THSD7B: variants seen among roughly 807,000 people sequenced by gnomAD.
THSD7B encodes the protein thrombospondin type 1 domain containing 7B.
THSD7B carries 138 observed loss-of-function variants against 213.6 expected under a neutral mutation model. The observed-to-expected ratio is 0.65, with a 90% CI of 0.56 to 0.74. THSD7B has a LOEUF of 0.74. THSD7B is among the 30% of genes least tolerant of loss of function. The pLI is 0.00. For missense variants in THSD7B, 1,931 were observed against 1,991.5 expected, an observed-to-expected ratio of 0.97 and a Z score of 0.58; for synonymous variants, 742 against 687.0, an observed-to-expected ratio of 1.08 and a Z score of -1.25.
At chr2:137,142,332 T>C (rs1679603084) in intron 5 of THSD7B, among the ~76,000 whole-genome samples, 1 of 152,214 alleles carries the variant, frequency 6.6e-6, no homozygotes. Context: ...ACCCATTCAC[T>C]CCTGTGATAA....
intron 11 of THSD7B, among the ~76,000 whole-genome samples, chr2:137,274,988 G>A (rs1217259035): frequency 6.6e-6 from 1 of 151,952 alleles, no homozygotes. Flanking sequence ...TTTTGAAGTA[G>A]TTATCAGAGG....
intron 2 of THSD7B, among the ~76,000 whole-genome samples, chr2:137,011,794 G>T (rs1173486650): frequency 1.3e-5 from 2 of 152,288 alleles, no homozygotes; most frequent in Admixed American, 1.3e-4. Context: ...ACTAGAGTCT[G>T]TTCCATCTCT....
At chr2:136,937,017 T>G (rs945324537) in intron 2 of THSD7B, among the ~76,000 whole-genome samples, 47 of 152,214 alleles carry the variant, frequency 3.1e-4, no homozygotes, top group African/African-American at 1.1e-3. Flanking sequence ...TTCAGCACAA[T>G]GGTTTTTGTA....
At chr2:137,220,783 A>C (rs1293456439) in intron 7 of THSD7B, among the ~76,000 whole-genome samples, 1 of 117,582 alleles carries the variant, frequency 8.5e-6, no homozygotes, top group Non-Finnish European at 1.8e-5. Context: ...AAAAGTCTTT[A>C]AGCAGGAGAA....
At chr2:136,960,105 G>T (rs773029991) in intron 2 of THSD7B, among the ~76,000 whole-genome samples, 16 of 151,994 alleles carry the variant, frequency 1.1e-4, no homozygotes, top group Admixed American at 1.0e-3. Flanking sequence ...TGGATGAAAT[G>T]GTCTCTATTT....
chr2:137,076,781 C>G (rs1481253951), intron 3 of THSD7B, among the ~76,000 whole-genome samples: 3 of 151,870 alleles, frequency 2.0e-5, no homozygotes, highest in East Asian at 1.9e-4. Flanking sequence ...CTCACATTCC[C>G]ACTGCAAATT....
intron 2 of THSD7B, among the ~76,000 whole-genome samples, chr2:136,983,370 C>CACACACACACACACACACAT: frequency 6.9e-6 from 1 of 144,120 alleles, no homozygotes; most frequent in South Asian, 2.3e-4. Context: ...CACACACACA[C>CACACACACACACACACACAT]GCACACACAC....
At chr2:137,331,548 A>G (rs1046735399) in intron 12 of THSD7B, among the ~76,000 whole-genome samples, 1 of 152,212 alleles carries the variant, frequency 6.6e-6, no homozygotes, top group Non-Finnish European at 1.5e-5. Flanking sequence ...GGCTTCACCC[A>G]GTGGATCCAG....
chr2:136,855,469 A>G (rs893663500), intron 1 of THSD7B, among the ~76,000 whole-genome samples: 1 of 151,992 alleles, frequency 6.6e-6, no homozygotes, highest in Non-Finnish European at 1.5e-5. Context: ...TCTGTGGCCC[A>G]GACTAGAGCA....
At chr2:137,133,210 A>G (rs1688773616) in intron 5 of THSD7B, among the ~76,000 whole-genome samples, 1 of 152,008 alleles carries the variant, frequency 6.6e-6, no homozygotes, top group African/African-American at 2.4e-5. Context: ...TTCTCTTTCC[A>G]CTGTCTCACC....
chr2:137,562,594 T>TTGTGTGTGTGTGTGTGTGTG (rs72488766), intron 15 of THSD7B, among the ~76,000 whole-genome samples: 1 of 144,970 alleles, frequency 6.9e-6, no homozygotes, highest in African/African-American at 2.6e-5. Context: ...GTATTTCTCT[T>TTGTGTGTGTGTGTGTGTGTG]TGTGTGTGTG....
intron 2 of THSD7B, among the ~76,000 whole-genome samples, chr2:136,915,180 A>G (rs1684329906): frequency 6.6e-6 from 1 of 152,232 alleles, no homozygotes; most frequent in African/African-American, 2.4e-5. Context: ...GAAGTGAGAT[A>G]CTAGCCTTTT....
At chr2:137,463,640 G>T (rs761571051) in intron 15 of THSD7B, among the ~76,000 whole-genome samples, 31 of 152,110 alleles carry the variant, frequency 2.0e-4, no homozygotes, top group Admixed American at 7.2e-4. Context: ...AAAGTCTCCA[G>T]TGTGGACAAA....
chr2:137,193,791 A>C (rs1680707027), intron 7 of THSD7B, among the ~76,000 whole-genome samples: 1 of 151,832 alleles, frequency 6.6e-6, no homozygotes, highest in Non-Finnish European at 1.5e-5. Context: ...GATGCATACA[A>C]AACTTCTGAC....
chr2:136,917,558 G>A (rs1032444743), intron 2 of THSD7B, among the ~76,000 whole-genome samples: 11 of 152,128 alleles, frequency 7.2e-5, no homozygotes, highest in Admixed American at 7.2e-4. Flanking sequence ...ACTCTGGCTG[G>A]CCTAATGGAC....
chr2:137,448,278 C>T (rs557898869), intron 14 of THSD7B, among the ~76,000 whole-genome samples: 1 of 152,290 alleles, frequency 6.6e-6, no homozygotes, highest in Admixed American at 6.5e-5. Flanking sequence ...GTTTTTCCAG[C>T]CTGGGATGGC....
In THSD7B at chr2:137,057,227, T is replaced by C; in HGVS notation, c.947T>C (p.Leu316Ser). Residue 316 changes from leucine to serine, a missense_variant, in exon 3 of 28, where the codon TTA becomes TCA. Physicochemically the swap from Leu to Ser is moderately radical, Grantham distance 145 (BLOSUM62 -2). Coordinates refer to ENST00000409968, the MANE Select transcript of THSD7B (RefSeq NM_001316349.2). ...AGAAGTGATGGACAAAATGCTATGT[T>C]AAGGTAGGAGACCTTTGATGCTTGA... ...CTRSDGQNAM[L>S]SLCLQDSFPL... The C allele has an allele frequency of 1.9e-6, 3 of 1,606,224 alleles. No homozygotes were observed. The highest frequency in any genetic ancestry group is 2.6e-6 in the Non-Finnish European group (3 of 1,175,248).
rs534650302 is a variant in THSD7B at position 137,077,313 on chromosome 2, T to A, written c.951-17560T>A. ...TTGTGCATGTGTCTTTATAGCAGCA[T>A]GTTTTATAATCCTTTGGATATATAC... On this transcript the variant is annotated intron_variant, in intron 3 of 27. Transcript: ENST00000409968. 3.3e-5 allele frequency among the ~76,000 whole-genome samples: 5 copies of A among 152,348 alleles called. No individual in the cohort carries two copies. In the South Asian group the frequency reaches 1.0e-3, roughly 32 times the overall value.
intron 1 of THSD7B, among the ~76,000 whole-genome samples, chr2:136,780,035 T>G (rs1681709683): frequency 6.6e-6 from 1 of 152,142 alleles, no homozygotes; most frequent in South Asian, 2.1e-4. Flanking sequence ...TGAGGTGATT[T>G]TTTGAGGGGG....
Sources: allele counts gnomAD v4.1 joint callset (sites outside exome capture counted in the v4.1 genomes callset), GRCh38; gene constraint gnomAD v4.1.1; transcripts MANE v1.5; gene names NCBI Gene and HGNC (gene_info 2026-07-23, HGNC 2026-07-21).